Variants in RAB3GAP2 observed in about 807,000 individuals in gnomAD.
RAB3GAP2 encodes RAB3 GTPase activating non-catalytic protein subunit 2.
Under a neutral mutation model 185.3 loss-of-function variants are expected in RAB3GAP2, and 87 were observed. The ratio of observed to expected loss-of-function variants is 0.47; its 90% CI spans 0.39 to 0.56. The LOEUF (loss-of-function observed/expected upper bound fraction) is 0.56, where lower values mean the gene tolerates loss of function less well. RAB3GAP2 is among the 20% of genes least tolerant of loss of function. The pLI is 0.00. For synonymous variants in RAB3GAP2, 554 were observed against 576.1 expected (o/e 0.96, Z 0.55); for missense variants, 1,492 against 1,638.2 (o/e 0.91, Z 1.54).
rs761518683 is a variant in RAB3GAP2 at position 220,164,719 on chromosome 1, ATC to A, written c.3154+12_3154+13del. On this transcript the variant is annotated intron_variant, in intron 27 of 34. Transcript: ENST00000358951. ...TAGATCAAACAGTGATGTTTCTAAC[ATC>A]TGTTTACTTACCATTTTGAACATGT... 1.3e-6 allele frequency: 2 copies of A among 1,598,792 alleles called. No homozygotes were observed. The highest frequency in any genetic ancestry group is 2.2e-5 in the South Asian group (2 of 89,402).
At chr1:220,250,800 C>G (rs995248739) in intron 1 of RAB3GAP2, among the ~76,000 whole-genome samples, 1 of 152,180 alleles carries the variant, frequency 6.6e-6, no homozygotes, top group Non-Finnish European at 1.5e-5. Context: ...GGGGCTCTCC[C>G]CCAACTTTGC....
chr1:220,213,932 T>G lies in RAB3GAP2; in HGVS notation c.228A>C (p.Gln76His). 6.2e-7 allele frequency: 1 copy of G among 1,613,348 alleles called. No homozygotes were observed. The highest frequency in any genetic ancestry group is 1.1e-5 in the South Asian group (1 of 91,066). Residue 76 changes from glutamine (Q) to histidine (H), a missense_variant, in exon 3 of 35, where the codon CAA becomes CAC. Gln to His is a conservative substitution (Grantham distance 24, BLOSUM62 0). This residue lies in a region of RAB3GAP2 where 177 missense variants were observed against 160.6 expected (regional missense o/e 1.10). Coordinates refer to ENST00000358951, the MANE Select transcript of RAB3GAP2 (RefSeq NM_012414.4). The stretch of plus-strand genomic sequence containing the variant: ...TTGGAGATAAGGATAAAACACAATC[T>G]TGGAGCCAGGAAGTTTTTTGTGTTT... ...TCKTQKTSWL[Q>H]DCVLSLSPTN...
intron 2 of RAB3GAP2, among the ~76,000 whole-genome samples, chr1:220,230,025 T>C (rs1439771732): frequency 2.0e-5 from 3 of 152,216 alleles, no homozygotes; most frequent in African/African-American, 4.8e-5. Context: ...GAAAGGTTAC[T>C]TTCCTAGAAT....
rs1245187038 is a variant in RAB3GAP2, at chr1:220,158,585, C to T, written c.3262-709G>A. On this transcript the variant is annotated intron_variant, in intron 29 of 34. Coordinates refer to ENST00000358951, the MANE Select transcript of RAB3GAP2 (RefSeq NM_012414.4). This position sits in a 1 kb window ranked among gnomAD's most constrained non-coding sequence, Gnocchi z 4.3. The stretch of plus-strand genomic sequence containing the variant: ...CCTCCTGAGTAGCTGGGATTACAGG[C>T]GCCCACCACCATGCCTGGCTAGTTT... 2.6e-5 allele frequency among the ~76,000 whole-genome samples: 4 copies of T among 151,960 alleles called. No homozygotes were observed. Among genetic ancestry groups the T allele is most frequent in the Admixed American group, 1.3e-4 (2 of 15,244 alleles).
chr1:220,222,869 G>A (rs1659333581), intron 2 of RAB3GAP2, among the ~76,000 whole-genome samples: 1 of 152,022 alleles, frequency 6.6e-6, no homozygotes, highest in Non-Finnish European at 1.5e-5. Flanking sequence ...TTAGATGTTA[G>A]GGATGGGTTA....
chr1:220,190,361 A>C lies in RAB3GAP2; in HGVS notation c.1631+16T>G, dbSNP rs1436690746. The C allele has an allele frequency of 6.2e-7, 1 of 1,614,050 alleles. No individual in the cohort carries two copies. The highest frequency in any genetic ancestry group is 8.5e-7 in the Non-Finnish European group (1 of 1,179,962). On this transcript the variant is annotated intron_variant, in intron 15 of 34. Coordinates refer to ENST00000358951, the MANE Select transcript of RAB3GAP2 (RefSeq NM_012414.4). ...TAGCAGAGGAGCGTCAATCAGCAAC[A>C]CTGGACACACCTTACCTCAGTGCTA...
At chr1:220,226,456 T>C (rs1659404031) in intron 2 of RAB3GAP2, among the ~76,000 whole-genome samples, 1 of 151,038 alleles carries the variant, frequency 6.6e-6, no homozygotes, top group African/African-American at 2.4e-5. Flanking sequence ...CCAGCAAAGC[T>C]ATTTACTATT....
chr1:220,222,249 T>G (rs1389326128), intron 2 of RAB3GAP2, among the ~76,000 whole-genome samples: 1 of 152,190 alleles, frequency 6.6e-6, no homozygotes, highest in Non-Finnish European at 1.5e-5. Context: ...AACTATAAAA[T>G]GCTCAATATT....
At chr1:220,206,125 G>A (rs557830037) in intron 7 of RAB3GAP2, 119 bp from the exon 8 acceptor site, 7 of 653,758 alleles carry the variant, frequency 1.1e-5, no homozygotes, top group Non-Finnish European at 1.8e-5. Context: ...GCAATATCAG[G>A]CAGAAGAACA....
intron 2 of RAB3GAP2, among the ~76,000 whole-genome samples, chr1:220,217,864 C>T (rs1450053007): frequency 2.6e-5 from 4 of 152,090 alleles, no homozygotes; most frequent in African/African-American, 9.7e-5. Flanking sequence ...GAACAGAATA[C>T]CACTGTATCA....
rs973543043 is a variant in RAB3GAP2, at chr1:220,149,263, C to T, written c.*1988G>A. The T allele has an allele frequency of 1.3e-5, 2 of 152,018 alleles. No individual in the cohort carries two copies. Among genetic ancestry groups the T allele is most frequent in the African/African-American group, 4.8e-5 (2 of 41,384 alleles). The allele number at this position is 152,018 out of a possible 1,614,324, so 9.4% of individuals were successfully genotyped here. A position where few individuals can be genotyped will look rare whatever the true frequency, so the allele number is the denominator to read the frequency against. ...TATGAAAAATTTTAGGATAACAAAT[C>T]TAACTAGAGACTTAATGATTTGTGT... On this transcript the variant is annotated 3_prime_UTR_variant, in exon 35 of 35. Transcript: ENST00000358951.
chr1:220,243,776 A>G (rs1274994523), intron 1 of RAB3GAP2, among the ~76,000 whole-genome samples: 1 of 152,252 alleles, frequency 6.6e-6, no homozygotes, highest in East Asian at 1.9e-4. Context: ...AGAGCTATAC[A>G]GAAAATACCT....
chr1:220,261,255 G>A (rs1263575492), intron 1 of RAB3GAP2, among the ~76,000 whole-genome samples: 1 of 152,130 alleles, frequency 6.6e-6, no homozygotes, highest in Non-Finnish European at 1.5e-5. Context: ...ATACCTAGGA[G>A]TTTCAAGAAT....
intron 3 of RAB3GAP2, 36 bp from the exon 4 acceptor site, chr1:220,213,004 G>T: frequency 6.9e-7 from 1 of 1,455,382 alleles, no homozygotes; most frequent in Non-Finnish European, 9.5e-7. Flanking sequence ...AATAATTTTA[G>T]CTATAATACA....
intron 31 of RAB3GAP2, among the ~76,000 whole-genome samples, chr1:220,157,011 T>C (rs905250652): frequency 2.6e-5 from 4 of 151,770 alleles, no homozygotes; most frequent in African/African-American, 9.7e-5. Flanking sequence ...TAGAGATATA[T>C]AAGAGGGAGA....
chr1:220,195,620 T>C (rs1658709936), intron 10 of RAB3GAP2, among the ~76,000 whole-genome samples: 1 of 152,234 alleles, frequency 6.6e-6, no homozygotes, highest in African/African-American at 2.4e-5. Flanking sequence ...TCTCTTTAAA[T>C]TGTAATTTCA....
intron 1 of RAB3GAP2, among the ~76,000 whole-genome samples, chr1:220,238,348 T>A (rs1659633369): frequency 1.3e-5 from 2 of 152,242 alleles, no homozygotes. Context: ...GTGGCTACAG[T>A]ATAAGACAGC....
intron 3 of RAB3GAP2, 128 bp from the exon 4 acceptor site, chr1:220,213,096 G>A: frequency 1.6e-6 from 1 of 624,240 alleles, no homozygotes; most frequent in Non-Finnish European, 2.7e-6. Flanking sequence ...AACTGACTTG[G>A]GTCTTTTTTA....
At chr1:220,153,618 A>G in intron 32 of RAB3GAP2, 1 of 317,334 alleles carries the variant, frequency 3.2e-6, no homozygotes, top group African/African-American at 2.2e-5. Context: ...TTTTATTATT[A>G]TACTTTAAGT....
Sources: allele counts gnomAD v4.1 joint callset (sites outside exome capture counted in the v4.1 genomes callset), GRCh38; gene constraint gnomAD v4.1.1; regional missense constraint gnomAD v4.1.1; non-coding constraint Gnocchi (gnomAD v3.1); transcripts MANE v1.5; gene names NCBI Gene and HGNC (gene_info 2026-07-23, HGNC 2026-07-21).